The following HNRNPUL1 variants were observed in gnomAD, a reference collection of about 807,000 sequenced individuals.
HNRNPUL1 encodes the protein heterogeneous nuclear ribonucleoprotein U like 1.
HNRNPUL1 carries 14 observed loss-of-function variants against 108.5 expected under a neutral mutation model. That is an observed-to-expected ratio of 0.13 (90% CI 0.09 to 0.20). HNRNPUL1 has a LOEUF of 0.20. Among genes scored for constraint, HNRNPUL1 ranks in the 10% least tolerant of loss-of-function variants. The probability of loss-of-function intolerance (pLI) is 1.00; values close to 1 mark genes in which losing one functional copy is unlikely to be tolerated. For missense variants in HNRNPUL1, 804 were observed against 1,168.3 expected, an observed-to-expected ratio of 0.69 and a Z score of 4.55; for synonymous variants, 422 against 445.2, an observed-to-expected ratio of 0.95 and a Z score of 0.66.
At chr19:41,300,883 G>A (rs944698496) in intron 10 of HNRNPUL1, among the ~76,000 whole-genome samples, 2 of 152,218 alleles carry the variant, frequency 1.3e-5, no homozygotes, top group African/African-American at 2.4e-5. Context: ...GAGAAGGACT[G>A]AGGGAATAAA....
intron 7 of HNRNPUL1, among the ~76,000 whole-genome samples, chr19:41,281,799 A>C (rs2122653232): frequency 6.6e-6 from 1 of 152,320 alleles, no homozygotes; most frequent in East Asian, 1.9e-4. Context: ...AACAGTGACC[A>C]GCAGTCACCT....
At position 41,294,490 on chromosome 19, in the gene HNRNPUL1, C is replaced by T; in HGVS notation, c.1389+30C>T. On this transcript the variant is annotated intron_variant, in intron 9 of 14. Transcript: ENST00000392006. The surrounding 1 kb of genome is among the most constrained non-coding windows in gnomAD (Gnocchi z 4.3). Reference sequence around the variant, plus strand: ...GGCCAGCCACTGGACTCTCCTTACTCACCTCCAACCTACTGAGTGCTGCCC... The same window carrying T: ...GGCCAGCCACTGGACTCTCCTTACTTACCTCCAACCTACTGAGTGCTGCCC... The T allele has an allele frequency of 6.2e-7, 1 of 1,614,040 alleles. No homozygotes were observed. The highest frequency in any genetic ancestry group is 8.5e-7 in the Non-Finnish European group (1 of 1,179,954).
chr19:41,268,117 C>A, intron 1 of HNRNPUL1, 106 bp from the exon 2 acceptor site: 3 of 1,045,714 alleles, frequency 2.9e-6, no homozygotes, highest in East Asian at 2.5e-5. Context: ...ATTATTCTTA[C>A]CACTCTTAGT....
In HNRNPUL1 at chr19:41,268,155, T is replaced by C. The variant is rs2034971110; in HGVS notation, c.296-68T>C. The C allele has an allele frequency of 8.4e-6, 13 of 1,549,544 alleles. No homozygotes were observed. The South Asian group carries it at 1.3e-4, about 16-fold the overall frequency. ...AGCTCCTGGACCTGCAGATGCCTTC[T>C]GGATGCTTTGGTCCAGGGTTCTTCA... is the stretch of plus-strand genomic sequence containing the variant. On this transcript the variant is annotated intron_variant, in intron 1 of 14. Transcript: ENST00000392006.
At chr19:41,266,961 AGGGTAGT>A (rs2034889952) in intron 1 of HNRNPUL1, among the ~76,000 whole-genome samples, 1 of 152,184 alleles carries the variant, frequency 6.6e-6, no homozygotes, top group Admixed American at 6.5e-5. Context: ...CTAGCAAGAA[AGGGTAGT>A]GGGTTAGTAG....
At position 41,294,997 on chromosome 19, in the gene HNRNPUL1, G is replaced by A. The variant is rs778498215; in HGVS notation, c.1518+311G>A. ...GAGACTGGAGCTTGAATGCCAGCTC[G>A]GCTACTCCCTAGCTCTGTGCCTTTG... On this transcript the variant is annotated intron_variant, in intron 10 of 14. Transcript: ENST00000392006. The surrounding 1 kb of genome is among the most constrained non-coding windows in gnomAD (Gnocchi z 4.3). Among the ~76,000 whole-genome samples, 5 of 152,142 alleles carry A rather than the reference G, an allele frequency of 3.3e-5. No homozygotes were observed. Among genetic ancestry groups the A allele is most frequent in the Non-Finnish European group, 7.4e-5 (5 of 68,020 alleles).
Position 41,268,241 on chromosome 19 carries a change from C to T in HNRNPUL1, c.314C>T (p.Thr105Ile), listed in dbSNP as rs752953885. 2 of 1,613,734 alleles carry T rather than the reference C, an allele frequency of 1.2e-6. No individual in the cohort carries two copies. The highest frequency in any genetic ancestry group is 2.2e-5 in the South Asian group (2 of 91,018). The part of the protein sequence containing the change: ...PDGHYAMDNI[T>I]RQNQFYDTQV... The stretch of plus-strand genomic sequence containing the variant: ...TTTTAAGATGCCATGGACAATATTA[C>T]CAGGCAGAACCAATTCTACGATACC... The change falls in exon 2 of 15, where the codon ACC (threonine) becomes ATC (isoleucine). Residue 105 changes from threonine (T) to isoleucine (I), a missense_variant. Coordinates refer to ENST00000392006, the MANE Select transcript of HNRNPUL1 (RefSeq NM_007040.6).
In HNRNPUL1 at chr19:41,264,479, G is replaced by T; in HGVS notation, c.-25G>T. On this transcript the variant is annotated 5_prime_UTR_variant, in exon 1 of 15. Coordinates refer to ENST00000392006, the MANE Select transcript of HNRNPUL1 (RefSeq NM_007040.6). ...AGCCCTGGGAGGCCGGGCCGGGCTC[G>T]GGGGCCACCCCGGGGGCCCGGGCCA... is the stretch of plus-strand genomic sequence containing the variant. The T allele has an allele frequency of 7.5e-7, 1 of 1,342,184 alleles. No homozygotes were observed. Among genetic ancestry groups the T allele is most frequent in the Non-Finnish European group, 9.6e-7 (1 of 1,045,960 alleles). The allele number at this position is 1,342,184 out of a possible 1,614,324, so 83.1% of individuals were successfully genotyped here. A position where few individuals can be genotyped will look rare whatever the true frequency, so the allele number is the denominator to read the frequency against.
intron 12 of HNRNPUL1, 68 bp from the exon 13 acceptor site, chr19:41,303,904 A>G: frequency 6.5e-7 from 1 of 1,545,076 alleles, no homozygotes; most frequent in Non-Finnish European, 8.8e-7. Context: ...AGTCACCAAG[A>G]CAACCCAGTT....
intron 7 of HNRNPUL1, chr19:41,291,870 AC>A: frequency 4.7e-6 from 1 of 210,854 alleles, no homozygotes; most frequent in Non-Finnish European, 9.6e-6. Flanking sequence ...AGTCCCAGCT[AC>A]TCAGGAGGCT....
chr19:41,299,723 G>A (rs995463391), intron 10 of HNRNPUL1, among the ~76,000 whole-genome samples: 4 of 152,040 alleles, frequency 2.6e-5, no homozygotes, highest in South Asian at 4.1e-4. Flanking sequence ...AGGGCACAGC[G>A]GGGATTTCAA....
At chr19:41,297,207 C>T (rs998884158) in intron 10 of HNRNPUL1, among the ~76,000 whole-genome samples, 1 of 152,184 alleles carries the variant, frequency 6.6e-6, no homozygotes, top group African/African-American at 2.4e-5. Flanking sequence ...TGCTAAGTCA[C>T]GCACTCAGTG....
chr19:41,277,809 C>T (rs1040656327), intron 5 of HNRNPUL1, among the ~76,000 whole-genome samples: 7 of 151,982 alleles, frequency 4.6e-5, no homozygotes, highest in Admixed American at 2.6e-4. Flanking sequence ...ACCCAGCATA[C>T]GCAGTGCTTT....
At chr19:41,277,915 G>T (rs2122597198) in intron 5 of HNRNPUL1, among the ~76,000 whole-genome samples, 1 of 151,662 alleles carries the variant, frequency 6.6e-6, no homozygotes, top group Admixed American at 6.6e-5. Flanking sequence ...CGGATATTCG[G>T]CAGTCTAGTC....
In HNRNPUL1 at chr19:41,304,041, A is replaced by T; in HGVS notation, c.2042A>T (p.Asn681Ile). ...RWGNNNRDNN[N>I]SNNRGSYNRA... is the part of the protein sequence containing the mutation. Reference sequence around the variant, plus strand: ...GGTAACAACAACCGGGATAACAACAACTCCAACAACAGAGGCAGCTACAAC... The same window carrying T: ...GGTAACAACAACCGGGATAACAACATCTCCAACAACAGAGGCAGCTACAAC... Residue 681 changes from asparagine to isoleucine, a missense_variant, in exon 13 of 15, where the codon AAC becomes ATC. Physicochemically the swap from Asn to Ile is moderately radical, Grantham distance 149. Coordinates refer to ENST00000392006, the MANE Select transcript of HNRNPUL1 (RefSeq NM_007040.6). 6.2e-7 allele frequency: 1 copy of T among 1,613,636 alleles called. No homozygotes were observed. The highest frequency in any genetic ancestry group is 8.5e-7 in the Non-Finnish European group (1 of 1,179,812).
At chr19:41,293,973 C>T (rs1019088558) in intron 8 of HNRNPUL1, among the ~76,000 whole-genome samples, 9 of 152,098 alleles carry the variant, frequency 5.9e-5, no homozygotes, top group Non-Finnish European at 1.3e-4. Context: ...GGCCATTACA[C>T]GCCAGCCTGG....
intron 2 of HNRNPUL1, among the ~76,000 whole-genome samples, chr19:41,271,452 G>C (rs80123217): frequency 0.067 from 10,240 of 152,194 alleles, 954 homozygotes; most frequent in African/African-American, 0.2. Flanking sequence ...CCGAAGCTGG[G>C]GAGTGATCCA....
Position 41,264,625 on chromosome 19 carries a change from A to C in HNRNPUL1, c.122A>C (p.Glu41Ala). ...ERLQAALEAE[E>A]PDDERELDAD... is the part of the protein sequence containing the mutation. ...CTGCAGGCGGCGTTGGAGGCCGAGGAGCCTGACGACGAGCGGGAGCTCGAC... is the reference window on the plus strand; with the variant it reads ...CTGCAGGCGGCGTTGGAGGCCGAGGCGCCTGACGACGAGCGGGAGCTCGAC... Residue 41 changes from glutamate to alanine, a missense_variant, in exon 1 of 15, where the codon GAG becomes GCG. Coordinates refer to ENST00000392006, the MANE Select transcript of HNRNPUL1 (RefSeq NM_007040.6). 7 of 1,583,732 alleles carry C rather than the reference A, an allele frequency of 4.4e-6. No individual in the cohort carries two copies. Among genetic ancestry groups the C allele is most frequent in the Non-Finnish European group, 6.0e-6 (7 of 1,172,658 alleles).
At position 41,264,784 on chromosome 19, in the gene HNRNPUL1, G is replaced by C; in HGVS notation, c.281G>C (p.Gly94Ala). 2.2e-6 allele frequency: 3 copies of C among 1,366,800 alleles called. No individual in the cohort carries two copies. 84.7% of individuals were successfully genotyped at this position (1,366,800 alleles called of 1,614,324 possible). ...CACGCGGAGCCCGGCGGCTACTCGG[G>C]GCCGGACGGACATTGTGAGAGTGCG... ...QPHAEPGGYS[G>A]PDGHYAMDNI... The change falls in exon 1 of 15, where the codon GGG (glycine) becomes GCG (alanine). Residue 94 changes from glycine (G) to alanine (A), a missense_variant. Gly to Ala is a moderately conservative substitution (Grantham distance 60). Transcript: ENST00000392006.
Sources: allele counts gnomAD v4.1 joint callset (sites outside exome capture counted in the v4.1 genomes callset), GRCh38; gene constraint gnomAD v4.1.1; non-coding constraint Gnocchi (gnomAD v3.1); transcripts MANE v1.5; gene names NCBI Gene and HGNC (gene_info 2026-07-23, HGNC 2026-07-21).